Variants in RNGTT observed in about 807,000 individuals in gnomAD.
The protein encoded by RNGTT is mRNA-capping enzyme.
A neutral mutation model predicts 79.3 loss-of-function variants in RNGTT; 33 were observed. The ratio of observed to expected loss-of-function variants is 0.42; its 90% CI spans 0.32 to 0.56. The LOEUF is 0.56. Ranked by LOEUF, RNGTT falls within the 20% of genes least tolerant of loss-of-function variation. RNGTT has a pLI of 0.17. For missense variants in RNGTT, 497 were observed against 739.1 expected, an observed-to-expected ratio of 0.67 and a Z score of 3.80; for synonymous variants, 222 against 235.9, an observed-to-expected ratio of 0.94 and a Z score of 0.54.
chr6:88,878,295 C>T (rs575738706), intron 8 of RNGTT, among the ~76,000 whole-genome samples: 1 of 152,022 alleles, frequency 6.6e-6, no homozygotes, highest in African/African-American at 2.4e-5. Context: ...CAGGTTTTTG[C>T]CATGTTGGTT....
intron 12 of RNGTT, among the ~76,000 whole-genome samples, chr6:88,781,183 T>C (rs1293879487): frequency 6.6e-6 from 1 of 152,230 alleles, no homozygotes; most frequent in Admixed American, 6.5e-5. Context: ...AACGTAATTA[T>C]TTTAAGCAAG....
At chr6:88,633,642 T>C (rs1300089155) in intron 14 of RNGTT, among the ~76,000 whole-genome samples, 1 of 152,124 alleles carries the variant, frequency 6.6e-6, no homozygotes, top group Non-Finnish European at 1.5e-5. Flanking sequence ...TTTTTTAACA[T>C]TTAAAAAATA....
intron 2 of RNGTT, among the ~76,000 whole-genome samples, chr6:88,940,119 G>A (rs1272453609): frequency 6.8e-6 from 1 of 147,540 alleles, no homozygotes; most frequent in Non-Finnish European, 1.5e-5. Context: ...TCTGTTGCCT[G>A]GGTTGGAGTG....
At chr6:88,721,990 A>T (rs1007508859) in intron 13 of RNGTT, among the ~76,000 whole-genome samples, 1 of 151,904 alleles carries the variant, frequency 6.6e-6, no homozygotes, top group Non-Finnish European at 1.5e-5. Flanking sequence ...TGTCTAAGCC[A>T]CCTTGTATCC....
chr6:88,943,005 C>T (rs1462351698), intron 1 of RNGTT, among the ~76,000 whole-genome samples: 1 of 152,192 alleles, frequency 6.6e-6, no homozygotes, highest in African/African-American at 2.4e-5. Context: ...CCCCTCTCAC[C>T]CTGACTCCTC....
intron 13 of RNGTT, among the ~76,000 whole-genome samples, chr6:88,740,370 T>C (rs1230537405): frequency 1.3e-5 from 2 of 151,800 alleles, no homozygotes; most frequent in Non-Finnish European, 2.9e-5. Context: ...ATTAAAAAAT[T>C]AGCCAAGCAT....
intron 14 of RNGTT, among the ~76,000 whole-genome samples, chr6:88,644,014 G>A (rs1773429161): frequency 2.6e-5 from 4 of 152,154 alleles, no homozygotes; most frequent in Non-Finnish European, 5.9e-5. Flanking sequence ...GAGCAGAACT[G>A]AAGGAGATAG....
intron 11 of RNGTT, among the ~76,000 whole-genome samples, chr6:88,808,767 T>C (rs1372952700): frequency 6.6e-6 from 1 of 152,046 alleles, no homozygotes; most frequent in Non-Finnish European, 1.5e-5. Context: ...TTAAAAAATG[T>C]AGGTTTATCA....
At chr6:88,817,736 GTCTATTCACATCATTTTTTTTTTTTT>G (rs1414514904) in intron 11 of RNGTT, among the ~76,000 whole-genome samples, 1 of 138,946 alleles carries the variant, frequency 7.2e-6, no homozygotes, top group African/African-American at 2.6e-5. Context: ...CACCATCCAA[GTCTATTCACATCATTTTTTTTTTTTT>G]TTTTTTTTTT....
intron 13 of RNGTT, among the ~76,000 whole-genome samples, chr6:88,765,398 T>C (rs1778426726): frequency 6.6e-6 from 1 of 152,162 alleles, no homozygotes; most frequent in South Asian, 2.1e-4. Flanking sequence ...ATAACCATTT[T>C]TTAAAGCAAA....
At chr6:88,700,546 TA>T (rs1370154809) in intron 13 of RNGTT, among the ~76,000 whole-genome samples, 1 of 152,160 alleles carries the variant, frequency 6.6e-6, no homozygotes, top group Non-Finnish European at 1.5e-5. Context: ...GGGGGGCAGT[TA>T]CAAGGTCAGG....
At chr6:88,866,772 G>A (rs1782179835) in intron 8 of RNGTT, among the ~76,000 whole-genome samples, 1 of 152,148 alleles carries the variant, frequency 6.6e-6, no homozygotes, top group South Asian at 2.1e-4. Context: ...AATAAAGTTG[G>A]TTTAACAAAT....
At chr6:88,881,308 AG>A (rs1782689001) in intron 8 of RNGTT, among the ~76,000 whole-genome samples, 1 of 152,140 alleles carries the variant, frequency 6.6e-6, no homozygotes, top group Admixed American at 6.6e-5. Flanking sequence ...AAGTGGGGGC[AG>A]GGGGCAGAGG....
intron 13 of RNGTT, among the ~76,000 whole-genome samples, chr6:88,699,698 T>C (rs1011036547): frequency 6.6e-6 from 1 of 152,136 alleles, no homozygotes; most frequent in African/African-American, 2.4e-5. Context: ...TGGATTTTTT[T>C]AACGTGGTAT....
At chr6:88,788,821 G>A (rs1320051553) in intron 12 of RNGTT, among the ~76,000 whole-genome samples, 2 of 152,208 alleles carry the variant, frequency 1.3e-5, no homozygotes, top group Non-Finnish European at 2.9e-5. Context: ...GATGATTAAT[G>A]ACTGCTCTGT....
At chr6:88,712,562 T>C (rs148741188) in intron 13 of RNGTT, among the ~76,000 whole-genome samples, 90 of 152,336 alleles carry the variant, frequency 5.9e-4, no homozygotes, top group Middle Eastern at 3.4e-3. Flanking sequence ...TCCTCCTACC[T>C]TGGCCTCCCA....
rs1205178078 is a variant in RNGTT at position 88,817,900 on chromosome 6, C to T, written c.1270-16268G>A. Reference sequence around the variant, plus strand: ...TCAGCCTCCCAAGTAGCTGGGACTACAGGCGCCCGCCAACACGCCCAGCTA... The same window carrying T: ...TCAGCCTCCCAAGTAGCTGGGACTATAGGCGCCCGCCAACACGCCCAGCTA... On this transcript the variant is annotated intron_variant, in intron 11 of 15. Coordinates refer to ENST00000369485, the MANE Select transcript of RNGTT (RefSeq NM_003800.5). 4.0e-5 allele frequency among the ~76,000 whole-genome samples: 6 copies of T among 151,810 alleles called. No homozygotes were observed. In the East Asian group the frequency reaches 5.9e-4, roughly 15 times the overall value.
chr6:88,662,052 T>C lies in RNGTT; in HGVS notation c.1506+16301A>G, dbSNP rs150489762. On this transcript the variant is annotated intron_variant, in intron 14 of 15. Coordinates refer to ENST00000369485, the MANE Select transcript of RNGTT (RefSeq NM_003800.5). ...AATGTGATACACCACATAAACAGAA[T>C]TAAAAACAAAAACCATATCAATGGA... Among the ~76,000 whole-genome samples the C allele has an allele frequency of 6.2e-4, 95 of 152,168 alleles. 1 individual carries two copies. The highest frequency in any genetic ancestry group is 2.2e-3 in the African/African-American group (91 of 41,518).
intron 6 of RNGTT, among the ~76,000 whole-genome samples, chr6:88,894,283 T>C (rs899816938): frequency 6.6e-6 from 1 of 152,198 alleles, no homozygotes; most frequent in Non-Finnish European, 1.5e-5. Context: ...GACATATTCC[T>C]GAAGCTAAAT....
Sources: allele counts gnomAD v4.1 joint callset (sites outside exome capture counted in the v4.1 genomes callset), GRCh38; gene constraint gnomAD v4.1.1; transcripts MANE v1.5; gene names NCBI Gene and HGNC (gene_info 2026-07-23, HGNC 2026-07-21).